KATNAL1: variants seen among roughly 807,000 people sequenced by gnomAD.
KATNAL1 encodes the protein katanin p60 ATPase-containing subunit A-like 1.
A neutral mutation model predicts 55.2 loss-of-function variants in KATNAL1; 32 were observed. That is an observed-to-expected ratio of 0.58 (90% CI 0.44 to 0.78). The LOEUF is 0.78. KATNAL1 is among the 30% of genes least tolerant of loss of function. The pLI is 0.00. For synonymous variants in KATNAL1, 193 were observed against 193.6 expected (o/e 1.00, Z 0.02); for missense variants, 466 against 600.9 (o/e 0.78, Z 2.35).
intron 3 of KATNAL1, among the ~76,000 whole-genome samples, chr13:30,274,952 C>CAG (rs534822018): frequency 2.1e-3 from 299 of 144,528 alleles, no homozygotes; most frequent in African/African-American, 6.9e-3. Context: ...CACACACACA[C>CAG]AGGAATATTA....
In KATNAL1 at chr13:30,217,348, G is replaced by C. The variant is rs968220831; in HGVS notation, c.1148-6906C>G. On this transcript the variant is annotated intron_variant, in intron 9 of 10. Transcript: ENST00000380615. Reference sequence around the variant, plus strand: ...GGACAACTGTAATCCCAGCTACTCGGGAGGGGGAGGCAGGAGAATGGCGTG... The same window carrying C: ...GGACAACTGTAATCCCAGCTACTCGCGAGGGGGAGGCAGGAGAATGGCGTG... Among the ~76,000 whole-genome samples, 5 of 152,276 alleles carry C rather than the reference G, an allele frequency of 3.3e-5. No individual in the cohort carries two copies. In the South Asian group the frequency reaches 1.0e-3, roughly 32 times the overall value.
At chr13:30,301,050 A>C (rs1285562364) in intron 1 of KATNAL1, among the ~76,000 whole-genome samples, 1 of 152,202 alleles carries the variant, frequency 6.6e-6, no homozygotes, top group Non-Finnish European at 1.5e-5. Context: ...ATCATCTGTT[A>C]CTGTGTCTCA....
intron 6 of KATNAL1, among the ~76,000 whole-genome samples, chr13:30,239,684 G>GTTTTT (rs1566100241): frequency 7.8e-6 from 1 of 128,394 alleles, no homozygotes. Context: ...ATACAGAAGT[G>GTTTTT]ATTTTTTTTT....
chr13:30,254,747 C>T (rs762293241), intron 4 of KATNAL1, among the ~76,000 whole-genome samples: 2 of 152,014 alleles, frequency 1.3e-5, no homozygotes, highest in African/African-American at 2.4e-5. Flanking sequence ...TATGACATCA[C>T]GGTGGAAACA....
At chr13:30,271,986 T>C (rs537523611) in intron 3 of KATNAL1, among the ~76,000 whole-genome samples, 1 of 151,414 alleles carries the variant, frequency 6.6e-6, no homozygotes, top group African/African-American at 2.4e-5. Context: ...ATTATGAAGG[T>C]TAAACAATGT....
chr13:30,275,611 T>C (rs1247067280), intron 3 of KATNAL1, among the ~76,000 whole-genome samples: 1 of 152,166 alleles, frequency 6.6e-6, no homozygotes, highest in Non-Finnish European at 1.5e-5. Context: ...GTTTCAGTCA[T>C]GCAAGATAAG....
At chr13:30,249,874 T>G (rs1427424488) in intron 4 of KATNAL1, among the ~76,000 whole-genome samples, 1 of 152,244 alleles carries the variant, frequency 6.6e-6, no homozygotes, top group East Asian at 1.9e-4. Flanking sequence ...GAGAGCCAGC[T>G]ACTAAATTTT....
intron 3 of KATNAL1, among the ~76,000 whole-genome samples, chr13:30,267,365 G>A (rs141338164): frequency 6.6e-5 from 10 of 152,158 alleles, no homozygotes; most frequent in Admixed American, 2.6e-4. Context: ...CCAGTTTATC[G>A]TCAACTTCTG....
At position 30,262,650 on chromosome 13, in the gene KATNAL1, C is replaced by T. The variant is rs1438051217; in HGVS notation, c.324-7035G>A. Among the ~76,000 whole-genome samples, 210 of 151,652 alleles carry T rather than the reference C, an allele frequency of 1.4e-3. 1 individual carries two copies. Among genetic ancestry groups the T allele is most frequent in the Middle Eastern group, 6.8e-3 (2 of 294 alleles). On this transcript the variant is annotated intron_variant, in intron 3 of 10. Transcript: ENST00000380615. ...TGGATAAATTCCTCGACACATACAC[C>T]CTCCCAAGACTAAACCAGGAAGAAG...
chr13:30,271,294 T>C (rs563736100), intron 3 of KATNAL1, among the ~76,000 whole-genome samples: 32 of 152,324 alleles, frequency 2.1e-4, no homozygotes, highest in African/African-American at 7.7e-4. Context: ...GTGGTAGGGC[T>C]AGGACAAGAA....
In KATNAL1 at chr13:30,304,448, T is replaced by A. The variant is rs1039040103; in HGVS notation, c.-15+2883A>T. Among the ~76,000 whole-genome samples the A allele has an allele frequency of 2.6e-5, 4 of 152,116 alleles. No individual in the cohort carries two copies. The East Asian group carries it at 7.7e-4, about 29-fold the overall frequency. On this transcript the variant is annotated intron_variant, in intron 1 of 10. Transcript: ENST00000380615. The stretch of plus-strand genomic sequence containing the variant: ...CCATGTCTAGCTAATTTTTATATTT[T>A]TAGGAGAAACGAGGTTTCACCATCT...
chr13:30,288,291 T>A lies in KATNAL1; in HGVS notation c.-14-4500A>T, dbSNP rs547410954. On this transcript the variant is annotated intron_variant, in intron 1 of 10. Coordinates refer to ENST00000380615, the MANE Select transcript of KATNAL1 (RefSeq NM_032116.5). ...AAAGGATTTACTCTTAGTATTTACG[T>A]GCCATTATTTGCAGATTAATCATTC... 2.6e-5 allele frequency among the ~76,000 whole-genome samples: 4 copies of A among 152,316 alleles called. No individual in the cohort carries two copies. The East Asian group carries it at 5.8e-4, about 22-fold the overall frequency.
chr13:30,226,833 T>A (rs2137384769), intron 9 of KATNAL1, among the ~76,000 whole-genome samples: 1 of 152,304 alleles, frequency 6.6e-6, no homozygotes, highest in African/African-American at 2.4e-5. Context: ...TCCCAGCACT[T>A]TATGAGGCCG....
intron 4 of KATNAL1, among the ~76,000 whole-genome samples, chr13:30,242,078 A>G (rs1156615100): frequency 1.3e-5 from 2 of 152,196 alleles, no homozygotes; most frequent in Middle Eastern, 3.2e-3. Context: ...AGCTTAGGCT[A>G]GAGTCAAATT....
chr13:30,217,736 T>A (rs1174785945), intron 9 of KATNAL1, among the ~76,000 whole-genome samples: 1 of 152,152 alleles, frequency 6.6e-6, no homozygotes, highest in Admixed American at 6.5e-5. Flanking sequence ...TCCTCAAGTT[T>A]CCTAAGTAAA....
At chr13:30,268,927 C>T (rs1879993144) in intron 3 of KATNAL1, among the ~76,000 whole-genome samples, 1 of 152,040 alleles carries the variant, frequency 6.6e-6, no homozygotes, top group Admixed American at 6.6e-5. Flanking sequence ...AAGCAGCAAA[C>T]AAATAAAAGG....
intron 1 of KATNAL1, among the ~76,000 whole-genome samples, chr13:30,300,684 A>T (rs7333499): frequency 0.019 from 2,927 of 152,300 alleles, 95 homozygotes; most frequent in African/African-American, 0.066. Context: ...GTGAGTACTA[A>T]TCAACCAAAT....
At chr13:30,297,159 G>T (rs1007824298) in intron 1 of KATNAL1, among the ~76,000 whole-genome samples, 3 of 145,684 alleles carry the variant, frequency 2.1e-5, no homozygotes, top group African/African-American at 7.5e-5. Context: ...AAAAAAAAAA[G>T]AAAAAAGAAA....
rs144000124 is a variant in KATNAL1 at position 30,223,555 on chromosome 13, T to C, written c.1147+3857A>G. 3.2e-3 allele frequency among the ~76,000 whole-genome samples: 461 copies of C among 145,380 alleles called. 4 individuals are homozygous for C. The highest frequency in any genetic ancestry group is 0.011 in the African/African-American group (441 of 39,086). On this transcript the variant is annotated intron_variant, in intron 9 of 10. Coordinates refer to ENST00000380615, the MANE Select transcript of KATNAL1 (RefSeq NM_032116.5). ...AACAACAATAGGAAAAGAAAGACGGTAAGGCTAAATTAAAAGCAGTCAAAG... is the reference window on the plus strand; with the variant it reads ...AACAACAATAGGAAAAGAAAGACGGCAAGGCTAAATTAAAAGCAGTCAAAG...
Sources: gnomAD v4.1 joint callset for allele counts (sites outside exome capture counted in the v4.1 genomes callset) on GRCh38, gnomAD v4.1.1 for gene constraint, MANE v1.5 for transcripts, NCBI Gene and HGNC (gene_info 2026-07-23, HGNC 2026-07-21) for gene names.